TGFA: variants seen among roughly 807,000 people sequenced by gnomAD.
The protein encoded by TGFA is transforming growth factor alpha, also known as protransforming growth factor alpha.
A neutral mutation model predicts 21.7 loss-of-function variants in TGFA; 12 were observed. The observed-to-expected ratio is 0.55, with a 90% CI of 0.35 to 0.90. TGFA has a LOEUF of 0.90. Among genes scored for constraint, TGFA ranks in the 40% least tolerant of loss-of-function variants. TGFA has a pLI of 0.01. For synonymous variants in TGFA, 79 were observed against 88.1 expected (o/e 0.90, Z 0.58); for missense variants, 178 against 210.8 (o/e 0.84, Z 0.96).
intron 4 of TGFA, 78 bp from the exon 5 acceptor site, chr2:70,453,405 C>T (rs1559095798): frequency 7.6e-7 from 1 of 1,318,716 alleles, no homozygotes; most frequent in Non-Finnish European, 1.1e-6. Context: ...GCCCTAGGGG[C>T]CTGCTGGGCA....
chr2:70,552,166 G>A (rs1373239845), intron 1 of TGFA, among the ~76,000 whole-genome samples: 1 of 150,996 alleles, frequency 6.6e-6, no homozygotes, highest in African/African-American at 2.4e-5. Flanking sequence ...CGACAATCCT[G>A]GTCCAGTTAC....
chr2:70,499,026 C>T (rs1671660318), intron 2 of TGFA, among the ~76,000 whole-genome samples: 1 of 151,924 alleles, frequency 6.6e-6, no homozygotes, highest in Non-Finnish European at 1.5e-5. Flanking sequence ...TTTAAAACTC[C>T]CCAGGTAATT....
intron 3 of TGFA, among the ~76,000 whole-genome samples, chr2:70,460,854 T>C (rs1397312918): frequency 2.0e-5 from 3 of 152,194 alleles, no homozygotes. Flanking sequence ...TGCTGTCTAA[T>C]AGAACTTCCC....
intron 1 of TGFA, among the ~76,000 whole-genome samples, chr2:70,552,906 T>A (rs544032867): frequency 1.3e-5 from 2 of 152,200 alleles, no homozygotes; most frequent in South Asian, 4.1e-4. Flanking sequence ...GGGGCAAGAA[T>A]TGGCCAGGAG....
intron 2 of TGFA, among the ~76,000 whole-genome samples, chr2:70,484,029 G>T (rs536138241): frequency 8.5e-5 from 13 of 152,282 alleles, no homozygotes; most frequent in Middle Eastern, 3.4e-3. Flanking sequence ...TTCCCTTGTA[G>T]AATCATGCTT....
At chr2:70,460,619 C>T (rs552750791) in intron 3 of TGFA, among the ~76,000 whole-genome samples, 1 of 152,312 alleles carries the variant, frequency 6.6e-6, no homozygotes, top group South Asian at 2.1e-4. Flanking sequence ...GTATTGGGCT[C>T]ACACATTCTC....
intron 2 of TGFA, among the ~76,000 whole-genome samples, chr2:70,481,636 G>T (rs1333612707): frequency 4.6e-5 from 7 of 152,128 alleles, no homozygotes; most frequent in African/African-American, 1.7e-4. Context: ...TCTCAGGGCT[G>T]GTCTGTGCGA....
chr2:70,503,216 C>T (rs1279829412), intron 2 of TGFA, among the ~76,000 whole-genome samples: 4 of 152,118 alleles, frequency 2.6e-5, no homozygotes, highest in Non-Finnish European at 5.9e-5. Flanking sequence ...AGATGTGGCA[C>T]ATATACACCA....
chr2:70,483,730 C>G (rs782383519), intron 2 of TGFA, among the ~76,000 whole-genome samples: 4 of 152,192 alleles, frequency 2.6e-5, no homozygotes, highest in Non-Finnish European at 4.4e-5. Context: ...AGCCACAACT[C>G]TAGTTCTTTC....
intron 2 of TGFA, among the ~76,000 whole-genome samples, chr2:70,499,477 C>T (rs1671674141): frequency 6.6e-6 from 1 of 152,192 alleles, no homozygotes; most frequent in South Asian, 2.1e-4. Flanking sequence ...TGCAGCATAA[C>T]CTAACATCTC....
chr2:70,489,469 C>T (rs1338750733), intron 2 of TGFA, among the ~76,000 whole-genome samples: 3 of 152,202 alleles, frequency 2.0e-5, no homozygotes, highest in Non-Finnish European at 4.4e-5. Flanking sequence ...CACACGGTTG[C>T]CACCCATTCA....
At chr2:70,528,326 C>T (rs1238153186) in intron 1 of TGFA, among the ~76,000 whole-genome samples, 1 of 152,132 alleles carries the variant, frequency 6.6e-6, no homozygotes, top group Non-Finnish European at 1.5e-5. Context: ...ACAGTGGCTC[C>T]CAGGGAGAAG....
chr2:70,468,670 C>G (rs1274832854), intron 2 of TGFA, among the ~76,000 whole-genome samples: 2 of 152,134 alleles, frequency 1.3e-5, no homozygotes, highest in Non-Finnish European at 2.9e-5. Context: ...GAGCGGGAAA[C>G]CTATTGTGAA....
intron 1 of TGFA, among the ~76,000 whole-genome samples, chr2:70,549,432 C>A (rs1177989503): frequency 6.6e-6 from 1 of 152,196 alleles, no homozygotes; most frequent in East Asian, 1.9e-4. Flanking sequence ...GCAACATACG[C>A]CACACCTGGG....
At chr2:70,542,707 A>G (rs1192738526) in intron 1 of TGFA, among the ~76,000 whole-genome samples, 1 of 152,214 alleles carries the variant, frequency 6.6e-6, no homozygotes, top group Non-Finnish European at 1.5e-5. Context: ...TTACAATGTC[A>G]TATACTCTCC....
chr2:70,492,756 T>C (rs1671470913), intron 2 of TGFA, among the ~76,000 whole-genome samples: 1 of 152,212 alleles, frequency 6.6e-6, no homozygotes, highest in Non-Finnish European at 1.5e-5. Context: ...TCACAACTTT[T>C]CCAAATGTTG....
At chr2:70,535,089 T>C (rs1672932451) in intron 1 of TGFA, among the ~76,000 whole-genome samples, 1 of 152,140 alleles carries the variant, frequency 6.6e-6, no homozygotes, top group South Asian at 2.1e-4. Context: ...ATAAGATTGC[T>C]AGGTGGGTTA....
In TGFA at chr2:70,517,517, T is replaced by A. The variant is rs7571490; in HGVS notation, c.41-2605A>T. ...AATGTTCTGCATGTGTTCTCTTACT[T>A]AGTCCTTATAACAACTCATGACATA... On this transcript the variant is annotated intron_variant, in intron 1 of 5. Coordinates refer to ENST00000295400, the MANE Select transcript of TGFA (RefSeq NM_003236.4). 8.7e-3 allele frequency among the ~76,000 whole-genome samples: 1,320 copies of A among 152,304 alleles called. 15 individuals carry two copies. Among genetic ancestry groups the A allele is most frequent in the African/African-American group, 0.03 (1,243 of 41,554 alleles).
At chr2:70,501,503 G>A (rs1217658167) in intron 2 of TGFA, among the ~76,000 whole-genome samples, 1 of 152,066 alleles carries the variant, frequency 6.6e-6, no homozygotes, top group African/African-American at 2.4e-5. Context: ...TCACAAAAAT[G>A]CTTAAACAAG....
Sources: allele counts gnomAD v4.1 joint callset (sites outside exome capture counted in the v4.1 genomes callset), GRCh38; gene constraint gnomAD v4.1.1; transcripts MANE v1.5; gene names NCBI Gene and HGNC (gene_info 2026-07-23, HGNC 2026-07-21).